NCALD: variants seen among roughly 807,000 people sequenced by gnomAD.
NCALD encodes neurocalcin-delta.
NCALD carries 10 observed loss-of-function variants against 18.6 expected under a neutral mutation model. That is an observed-to-expected ratio of 0.54 (90% CI 0.33 to 0.91). The LOEUF (loss-of-function observed/expected upper bound fraction) is 0.91, where lower values mean the gene tolerates loss of function less well. Among genes scored for constraint, NCALD ranks in the 40% least tolerant of loss-of-function variants. NCALD has a pLI of 0.03. For synonymous variants in NCALD, 88 were observed against 87.4 expected (o/e 1.01, Z -0.04); for missense variants, 184 against 247.6 (o/e 0.74, Z 1.72).
chr8:101,804,376 ATGTTAC>A (rs1474080674), intron 4 of NCALD, among the ~76,000 whole-genome samples: 14 of 136,724 alleles, frequency 1.0e-4, no homozygotes, highest in South Asian at 8.6e-4. Flanking sequence ...TATATATTAT[ATGTTAC>A]TATATATAGA....
chr8:102,033,158 G>A (rs1379012318), intron 1 of NCALD, among the ~76,000 whole-genome samples: 1 of 151,930 alleles, frequency 6.6e-6, no homozygotes, highest in Non-Finnish European at 1.5e-5. Flanking sequence ...TCTGATCAAG[G>A]CGCTAATTTC....
chr8:101,836,940 T>C (rs896702199), intron 4 of NCALD, among the ~76,000 whole-genome samples: 2 of 152,246 alleles, frequency 1.3e-5, no homozygotes, highest in African/African-American at 4.8e-5. Context: ...ATTAGTTAAG[T>C]TGAATTATTC....
chr8:101,725,148 A>G (rs911588780), intron 1 of NCALD, among the ~76,000 whole-genome samples: 1 of 152,188 alleles, frequency 6.6e-6, no homozygotes, highest in Admixed American at 6.5e-5. Context: ...ACCCTAAATA[A>G]GAACAGTTAT....
At chr8:101,880,007 G>A (rs1260345207) in intron 4 of NCALD, among the ~76,000 whole-genome samples, 2 of 151,814 alleles carry the variant, frequency 1.3e-5, no homozygotes, top group Non-Finnish European at 2.9e-5. Flanking sequence ...GGCGGTGGAT[G>A]GGACTGGGCG....
At chr8:101,817,799 T>A (rs1813559369) in intron 4 of NCALD, among the ~76,000 whole-genome samples, 1 of 152,198 alleles carries the variant, frequency 6.6e-6, no homozygotes. Flanking sequence ...AGCCATCCAT[T>A]TTTTAAAGAC....
intron 1 of NCALD, among the ~76,000 whole-genome samples, chr8:102,112,294 G>A (rs542436286): frequency 2.2e-4 from 33 of 152,034 alleles, no homozygotes; most frequent in Non-Finnish European, 3.4e-4. Context: ...TATTGCTTCC[G>A]TTGTCACCTG....
chr8:101,734,921 G>A (rs1038535830), intron 1 of NCALD, among the ~76,000 whole-genome samples: 2 of 152,274 alleles, frequency 1.3e-5, no homozygotes, highest in Admixed American at 1.3e-4. Flanking sequence ...CTCTGAATGG[G>A]TCCAAAGCAG....
intron 4 of NCALD, among the ~76,000 whole-genome samples, chr8:101,818,381 G>A (rs1813586830): frequency 6.6e-6 from 1 of 152,162 alleles, no homozygotes; most frequent in African/African-American, 2.4e-5. Flanking sequence ...TAAGTACCAT[G>A]ATTACAGACA....
intron 1 of NCALD, among the ~76,000 whole-genome samples, chr8:101,726,736 C>T (rs139526714): frequency 1.4e-3 from 216 of 151,958 alleles, no homozygotes; most frequent in African/African-American, 4.8e-3. Context: ...TTCAGTGAGG[C>T]GATATAAATT....
intron 2 of NCALD, among the ~76,000 whole-genome samples, chr8:101,933,914 A>G (rs552268678): frequency 6.6e-6 from 1 of 152,374 alleles, no homozygotes; most frequent in Non-Finnish European, 1.5e-5. Context: ...GAGAGACTTC[A>G]TAAATATATG....
At chr8:101,731,224 T>G (rs936977493) in intron 1 of NCALD, among the ~76,000 whole-genome samples, 4 of 152,110 alleles carry the variant, frequency 2.6e-5, no homozygotes, top group African/African-American at 9.7e-5. Context: ...ATGAAGGAGA[T>G]GACGTCAGCA....
chr8:101,811,332 G>A (rs896184637), intron 4 of NCALD, among the ~76,000 whole-genome samples: 1 of 152,178 alleles, frequency 6.6e-6, no homozygotes, highest in Non-Finnish European at 1.5e-5. Flanking sequence ...GGAAGATGGA[G>A]GAAGGGGCCA....
intron 2 of NCALD, among the ~76,000 whole-genome samples, chr8:101,946,974 G>T (rs186095296): frequency 6.6e-6 from 1 of 152,154 alleles, no homozygotes; most frequent in Non-Finnish European, 1.5e-5. Context: ...CTTAGTGGGT[G>T]CCAAAACTAT....
intron 1 of NCALD, among the ~76,000 whole-genome samples, chr8:101,763,544 G>A: frequency 6.6e-6 from 1 of 152,064 alleles, no homozygotes; most frequent in East Asian, 1.9e-4. Context: ...CAACTTGATT[G>A]GGCCACAGGG....
intron 2 of NCALD, among the ~76,000 whole-genome samples, chr8:101,988,335 T>C (rs1363091584): frequency 6.6e-6 from 1 of 152,226 alleles, no homozygotes; most frequent in Non-Finnish European, 1.5e-5. Context: ...CGTGCATGTA[T>C]GTGTGTGTAT....
intron 4 of NCALD, among the ~76,000 whole-genome samples, chr8:101,819,394 A>G (rs1056166486): frequency 4.6e-5 from 7 of 151,874 alleles, no homozygotes; most frequent in African/African-American, 1.7e-4. Flanking sequence ...CATTTTAAAG[A>G]TGTATTTGTT....
intron 1 of NCALD, among the ~76,000 whole-genome samples, chr8:101,785,061 T>G (rs1055835068): frequency 6.6e-6 from 1 of 152,206 alleles, no homozygotes; most frequent in Non-Finnish European, 1.5e-5. Flanking sequence ...GAGCCAGGAC[T>G]CTGAAGCCAA....
intron 2 of NCALD, among the ~76,000 whole-genome samples, chr8:101,977,754 C>T (rs1044190430): frequency 1.3e-5 from 2 of 152,196 alleles, no homozygotes; most frequent in African/African-American, 4.8e-5. Flanking sequence ...CAGGTATCTG[C>T]CCTTCCATTT....
chr8:101,790,784 G>A (rs1325998897), intron 1 of NCALD, 78 bp downstream of exon 1: 1 of 152,174 alleles, frequency 6.6e-6, no homozygotes, highest in Non-Finnish European at 1.5e-5. Context: ...ATACAAACTT[G>A]TAGGAGGTAA....
Sources: gnomAD v4.1 joint callset for allele counts (sites outside exome capture counted in the v4.1 genomes callset) on GRCh38, gnomAD v4.1.1 for gene constraint, MANE v1.5 for transcripts, NCBI Gene and HGNC (gene_info 2026-07-23, HGNC 2026-07-21) for gene names.